The following HDAC4 variants were observed in gnomAD, a reference collection of about 807,000 sequenced individuals.
The protein encoded by HDAC4 is histone deacetylase 4.
HDAC4 carries 16 observed loss-of-function variants against 135.1 expected under a neutral mutation model. That is an observed-to-expected ratio of 0.12 (90% CI 0.08 to 0.18). The LOEUF is 0.18. Ranked by LOEUF, HDAC4 falls within the 10% of genes least tolerant of loss-of-function variation. HDAC4 has a pLI of 1.00. For missense variants in HDAC4, 1,143 were observed against 1,511.8 expected (o/e 0.76, Z 4.05); for synonymous variants, 685 against 653.4 (o/e 1.05, Z -0.74).
Position 239,141,340 on chromosome 2 carries a change from CAA to C in HDAC4, c.866-1546_866-1545del, listed in dbSNP as rs778101189. The stretch of plus-strand genomic sequence containing the variant: ...GCCGCTCCCCATGGCTCTTGGAGCT[CAA>C]AAGAGTGTGGGGTCAGCTCACTGTC... On this transcript the variant is annotated intron_variant, in intron 8 of 26. Transcript: ENST00000543185. The surrounding 1 kb of genome is among the most constrained non-coding windows in gnomAD (Gnocchi z 4.9). Among the ~76,000 whole-genome samples the C allele has an allele frequency of 1.8e-4, 28 of 152,264 alleles. 1 individual carries two copies. Among genetic ancestry groups the C allele is most frequent in the African/African-American group, 6.7e-4 (28 of 41,554 alleles).
rs868112968 is a variant in HDAC4 at position 239,351,098 on chromosome 2, G to C, written c.22+1580C>G. Reference sequence around the variant, plus strand: ...GAATTAGGAAGATCAGTTGGAACGAGGCTTCTGGAGCAATTTGACAGTCAA... The same window carrying C: ...GAATTAGGAAGATCAGTTGGAACGACGCTTCTGGAGCAATTTGACAGTCAA... On this transcript the variant is annotated intron_variant, in intron 2 of 26. Transcript: ENST00000543185. Among the ~76,000 whole-genome samples the C allele has an allele frequency of 2.2e-4, 34 of 152,356 alleles. 1 individual carries two copies. Among genetic ancestry groups the C allele is most frequent in the Middle Eastern group, 3.4e-3 (1 of 294 alleles).
intron 2 of HDAC4, among the ~76,000 whole-genome samples, chr2:239,292,702 C>T (rs60605225): frequency 0.23 from 34,663 of 152,010 alleles, 4,207 homozygotes; most frequent in African/African-American, 0.28. Flanking sequence ...GAGGCTGGGT[C>T]GAGAGGATAC....
intron 11 of HDAC4, among the ~76,000 whole-genome samples, chr2:239,129,864 G>C (rs2040449086): frequency 6.6e-6 from 1 of 152,206 alleles, no homozygotes; most frequent in African/African-American, 2.4e-5. Flanking sequence ...TAATTAGTGA[G>C]TGTGCAAATG....
chr2:239,359,297 G>A (rs1693711253), intron 1 of HDAC4, among the ~76,000 whole-genome samples: 2 of 152,204 alleles, frequency 1.3e-5, no homozygotes, highest in South Asian at 4.1e-4. Context: ...AAAGTTAACG[G>A]CACTATTTTG....
At chr2:239,130,272 C>T (rs1013765802) in intron 11 of HDAC4, among the ~76,000 whole-genome samples, 2 of 152,178 alleles carry the variant, frequency 1.3e-5, no homozygotes, top group Non-Finnish European at 2.9e-5. Flanking sequence ...GCCTCGCGTG[C>T]CAATTATAGG....
At chr2:239,210,102 C>T (rs1329134715) in intron 3 of HDAC4, among the ~76,000 whole-genome samples, 1 of 151,994 alleles carries the variant, frequency 6.6e-6, no homozygotes, top group Non-Finnish European at 1.5e-5. Context: ...CTTAGGACAG[C>T]CACCCTTGAA....
At chr2:239,198,102 T>C (rs1025452555) in intron 3 of HDAC4, among the ~76,000 whole-genome samples, 1 of 152,130 alleles carries the variant, frequency 6.6e-6, no homozygotes, top group Non-Finnish European at 1.5e-5. Flanking sequence ...CGCTGTGGCC[T>C]CCCAAAGTGC....
intron 7 of HDAC4, among the ~76,000 whole-genome samples, chr2:239,154,229 C>T (rs144096049): frequency 9.9e-4 from 150 of 152,056 alleles, no homozygotes; most frequent in African/African-American, 3.0e-3. Context: ...CACATGAGGC[C>T]GACTTGCTGG....
chr2:239,084,747 A>C (rs1449929280), intron 19 of HDAC4, among the ~76,000 whole-genome samples: 1 of 136,436 alleles, frequency 7.3e-6, no homozygotes, highest in African/African-American at 2.8e-5. Context: ...ATACGCCCAT[A>C]CACCACAGAC....
intron 1 of HDAC4, among the ~76,000 whole-genome samples, chr2:239,370,375 C>T (rs1436134113): frequency 2.6e-5 from 4 of 152,244 alleles, no homozygotes; most frequent in Middle Eastern, 3.4e-3. Context: ...GTATGGTTCT[C>T]GCAGGCAGGA....
intron 18 of HDAC4, among the ~76,000 whole-genome samples, chr2:239,088,667 T>C (rs1427140678): frequency 1.3e-5 from 2 of 152,220 alleles, no homozygotes; most frequent in African/African-American, 4.8e-5. Flanking sequence ...ATGTGCTCGA[T>C]GAAGCAGTAT....
intron 1 of HDAC4, among the ~76,000 whole-genome samples, chr2:239,356,536 T>A (rs1693499790): frequency 6.6e-6 from 1 of 152,254 alleles, no homozygotes; most frequent in Admixed American, 6.5e-5. Flanking sequence ...TATCTTGTTA[T>A]ATTTAAAATA....
chr2:239,246,553 C>G (rs914955660), intron 2 of HDAC4, among the ~76,000 whole-genome samples: 2 of 145,058 alleles, frequency 1.4e-5, no homozygotes, highest in African/African-American at 5.0e-5. Context: ...GCCACGGCGC[C>G]GGCAGGAGTG....
chr2:239,293,509 G>A (rs754808975), intron 2 of HDAC4, among the ~76,000 whole-genome samples: 33 of 152,226 alleles, frequency 2.2e-4, no homozygotes, highest in African/African-American at 3.9e-4. Flanking sequence ...GCAAAGGAGC[G>A]TGGGAGAAAG....
At chr2:239,136,774 T>C (rs536866549) in intron 9 of HDAC4, among the ~76,000 whole-genome samples, 14 of 152,298 alleles carry the variant, frequency 9.2e-5, no homozygotes, top group Non-Finnish European at 1.2e-4. Context: ...CCATTGGGGA[T>C]AGGAAGAAAC....
At chr2:239,220,483 C>T (rs767279627) in intron 3 of HDAC4, among the ~76,000 whole-genome samples, 4 of 152,190 alleles carry the variant, frequency 2.6e-5, no homozygotes, top group Non-Finnish European at 5.9e-5. Context: ...GATTGCGGAT[C>T]TAGGCAGAAG....
intron 23 of HDAC4, 116 bp from the exon 24 acceptor site, chr2:239,066,971 T>G (rs766646790): frequency 2.3e-6 from 3 of 1,282,976 alleles, no homozygotes; most frequent in Non-Finnish European, 3.3e-6. Flanking sequence ...TCGAGACACA[T>G]GGCCAGGCCG....
intron 14 of HDAC4, among the ~76,000 whole-genome samples, chr2:239,110,426 G>T (rs1342622982): frequency 6.6e-6 from 1 of 152,220 alleles, no homozygotes; most frequent in East Asian, 1.9e-4. Context: ...GGTCTCCCTT[G>T]TCTGAGCTGC....
chr2:239,369,483 G>A (rs767285982), intron 1 of HDAC4, among the ~76,000 whole-genome samples: 2 of 152,142 alleles, frequency 1.3e-5, no homozygotes, highest in African/African-American at 2.4e-5. Flanking sequence ...TCAGAGGTTC[G>A]TTAAACTCCT....
Sources: allele counts gnomAD v4.1 joint callset (sites outside exome capture counted in the v4.1 genomes callset), GRCh38; gene constraint gnomAD v4.1.1; non-coding constraint Gnocchi (gnomAD v3.1); transcripts MANE v1.5; gene names NCBI Gene and HGNC (gene_info 2026-07-23, HGNC 2026-07-21).